Variants in GAB1 observed in about 807,000 individuals in gnomAD.
The protein encoded by GAB1 is GRB2-associated-binding protein 1.
GAB1 carries 19 observed loss-of-function variants against 66.5 expected under a neutral mutation model. The ratio of observed to expected loss-of-function variants is 0.29; its 90% CI spans 0.20 to 0.42. GAB1 has a LOEUF of 0.42. GAB1 is among the 10% of genes least tolerant of loss of function. GAB1 has a pLI of 1.00. For synonymous variants in GAB1, 294 were observed against 301.4 expected, an observed-to-expected ratio of 0.98 and a Z score of 0.25; for missense variants, 732 against 858.5, an observed-to-expected ratio of 0.85 and a Z score of 1.84.
At chr4:143,414,260 G>A (rs1732560564) in intron 1 of GAB1, among the ~76,000 whole-genome samples, 1 of 152,164 alleles carries the variant, frequency 6.6e-6, no homozygotes, top group Admixed American at 6.5e-5. Flanking sequence ...TTTCAAAGAG[G>A]AGTAAGGTGT....
chr4:143,415,555 G>A lies in GAB1; in HGVS notation c.151G>A (p.Asp51Asn). The A allele has an allele frequency of 6.2e-7, 1 of 1,613,416 alleles. No homozygotes were observed. The highest frequency in any genetic ancestry group is 8.5e-7 in the Non-Finnish European group (1 of 1,179,434). Residue 51 changes from aspartate to asparagine, a missense_variant, in exon 2 of 10, where the codon GAT (aspartate) becomes AAT (asparagine). Physicochemically the swap from Asp to Asn is conservative, Grantham distance 23. Coordinates refer to ENST00000262994, the MANE Select transcript of GAB1 (RefSeq NM_002039.4). Reference protein sequence around the residue: ...DPDVLEYYKNDHAKKPIRIID... With the variant: ...DPDVLEYYKNNHAKKPIRIID... ...AGATGTTTTGGAATATTACAAAAAT[G>A]ATCATGCCAAGAAGCCTATTCGTAT...
rs144977004 is a variant in GAB1, at chr4:143,404,535, CT to C, written c.73-10939del. 4.9e-4 allele frequency among the ~76,000 whole-genome samples: 75 copies of C among 152,266 alleles called. 1 individual carries two copies. In the East Asian group the frequency reaches 0.013, roughly 27 times the overall value. On this transcript the variant is annotated intron_variant, in intron 1 of 9. Transcript: ENST00000262994. ...TTGTCTCTTAAGTTGAAGAAATATC[CT>C]TTAAAACTGCACTGTCCAGCCTGGG...
At chr4:143,380,524 A>G (rs1228179666) in intron 1 of GAB1, 2 of 152,228 alleles carry the variant, frequency 1.3e-5, no homozygotes, top group Non-Finnish European at 2.9e-5. Flanking sequence ...TCAAAGACTT[A>G]GAAAGTAAAT....
At chr4:143,435,426 A>C (rs903246083) in intron 3 of GAB1, among the ~76,000 whole-genome samples, 1 of 152,212 alleles carries the variant, frequency 6.6e-6, no homozygotes, top group African/African-American at 2.4e-5. Flanking sequence ...AAAAGTTTAC[A>C]ATTATTTTTC....
At chr4:143,366,825 T>C (rs1041364061) in intron 1 of GAB1, among the ~76,000 whole-genome samples, 1 of 152,064 alleles carries the variant, frequency 6.6e-6, no homozygotes, top group African/African-American at 2.4e-5. Context: ...TTCAATTCAA[T>C]TTTTGAATTG....
chr4:143,427,308 C>T (rs1169907008), intron 2 of GAB1, among the ~76,000 whole-genome samples: 1 of 152,156 alleles, frequency 6.6e-6, no homozygotes, highest in African/African-American at 2.4e-5. Flanking sequence ...AAACAGCAGT[C>T]AGATCCCCCT....
At chr4:143,364,534 G>C (rs1348808045) in intron 1 of GAB1, among the ~76,000 whole-genome samples, 1 of 152,124 alleles carries the variant, frequency 6.6e-6, no homozygotes, top group Non-Finnish European at 1.5e-5. Context: ...GGGAAAACTG[G>C]ATATGTGTTG....
chr4:143,403,360 AT>A (rs1560745198), intron 1 of GAB1, among the ~76,000 whole-genome samples: 2 of 152,146 alleles, frequency 1.3e-5, no homozygotes, highest in African/African-American at 4.8e-5. Context: ...CATTGTATCT[AT>A]TTCCTGTTGA....
intron 6 of GAB1, among the ~76,000 whole-genome samples, chr4:143,444,648 G>A (rs144289880): frequency 2.0e-4 from 30 of 152,234 alleles, no homozygotes; most frequent in African/African-American, 7.0e-4. Flanking sequence ...GGGGGTGCAT[G>A]TGCAGGTTTG....
In GAB1 at chr4:143,374,012, G is replaced by A. The variant is rs146994064; in HGVS notation, c.72+36752G>A. Among the ~76,000 whole-genome samples the A allele has an allele frequency of 4.6e-3, 700 of 151,574 alleles. 3 individuals are homozygous for A. The highest frequency in any genetic ancestry group is 7.0e-3 in the Admixed American group (107 of 15,204). On this transcript the variant is annotated intron_variant, in intron 1 of 9. Transcript: ENST00000262994. ...GCAAGCTCCATGTAAGACTACAGTG[G>A]GTTTTTTGTCAGATGCCTCCTTATT...
intron 2 of GAB1, among the ~76,000 whole-genome samples, chr4:143,427,380 CTGTT>C (rs944332403): frequency 6.6e-6 from 1 of 152,116 alleles, no homozygotes. Context: ...GGTTGCATGA[CTGTT>C]TGGAGTTTGA....
chr4:143,395,111 A>C (rs1032895829), intron 1 of GAB1: 12 of 152,184 alleles, frequency 7.9e-5, no homozygotes, highest in Non-Finnish European at 1.6e-4. Flanking sequence ...GAGTGTTATA[A>C]CAGTTCCCTA....
intron 6 of GAB1, among the ~76,000 whole-genome samples, chr4:143,449,733 A>T (rs1734800754): frequency 6.6e-6 from 1 of 151,786 alleles, no homozygotes; most frequent in Non-Finnish European, 1.5e-5. Flanking sequence ...ATGGGTCTTG[A>T]CTCTTTATCC....
At chr4:143,459,825 A>T (rs1302425308) in intron 7 of GAB1, among the ~76,000 whole-genome samples, 1 of 152,178 alleles carries the variant, frequency 6.6e-6, no homozygotes, top group Non-Finnish European at 1.5e-5. Context: ...AACTCATGTA[A>T]ACAAAAATTT....
intron 6 of GAB1, among the ~76,000 whole-genome samples, chr4:143,451,574 G>T (rs987170899): frequency 3.3e-5 from 5 of 152,088 alleles, no homozygotes; most frequent in Admixed American, 3.3e-4. Context: ...AATCAGAATG[G>T]CTCTAGAAAG....
rs1451902188 is a variant in GAB1 at position 143,438,493 on chromosome 4, C to A, written c.1088C>A (p.Pro363Gln). The A allele has an allele frequency of 6.2e-7, 1 of 1,613,986 alleles. No homozygotes were observed. Among genetic ancestry groups the A allele is most frequent in the Non-Finnish European group, 8.5e-7 (1 of 1,179,980 alleles). Reference sequence around the variant, plus strand: ...TCTCCTGTGGAAACGTGTAGTATCCCACGCACCGCCTCAGACACTGACAGT... The same window carrying A: ...TCTCCTGTGGAAACGTGTAGTATCCAACGCACCGCCTCAGACACTGACAGT... Reference protein sequence around the residue: ...DRSPVETCSIPRTASDTDSSY... With the variant: ...DRSPVETCSIQRTASDTDSSY... The change falls in exon 4 of 10, where the codon CCA becomes CAA. Residue 363 changes from proline to glutamine, a missense_variant. Coordinates refer to ENST00000262994, the MANE Select transcript of GAB1 (RefSeq NM_002039.4).
chr4:143,442,943 A>C (rs1408373920), intron 6 of GAB1, among the ~76,000 whole-genome samples: 1 of 152,098 alleles, frequency 6.6e-6, no homozygotes, highest in African/African-American at 2.4e-5. Context: ...GAATAGACTT[A>C]GCAAAACAGT....
chr4:143,373,887 T>TTATATATATATATATATA, intron 1 of GAB1, among the ~76,000 whole-genome samples: 1 of 98,270 alleles, frequency 1.0e-5, no homozygotes, highest in South Asian at 4.0e-4. Context: ...ATATATATAT[T>TTATATATATATATATATA]TTTACCTTTC....
chr4:143,357,365 C>T (rs540714709), intron 1 of GAB1, among the ~76,000 whole-genome samples: 1 of 152,280 alleles, frequency 6.6e-6, no homozygotes, highest in South Asian at 2.1e-4. Context: ...GAAACCACAA[C>T]TTTGGACTCT....
Sources: allele counts gnomAD v4.1 joint callset (sites outside exome capture counted in the v4.1 genomes callset), GRCh38; gene constraint gnomAD v4.1.1; transcripts MANE v1.5; gene names NCBI Gene and HGNC (gene_info 2026-07-23, HGNC 2026-07-21).